FOXP2: variants seen among roughly 807,000 people sequenced by gnomAD.
FOXP2 encodes the protein forkhead box protein P2.
FOXP2 carries 12 observed loss-of-function variants against 115.8 expected under a neutral mutation model. The observed-to-expected ratio is 0.10, with a 90% CI of 0.07 to 0.17. The LOEUF is 0.17. FOXP2 is among the 10% of genes least tolerant of loss of function. The pLI is 1.00. For synonymous variants in FOXP2, 328 were observed against 297.7 expected (o/e 1.10, Z -1.05); for missense variants, 629 against 843.5 (o/e 0.75, Z 3.15).
At chr7:114,572,030 A>G (rs1245216631) in intron 3 of FOXP2, among the ~76,000 whole-genome samples, 1 of 151,862 alleles carries the variant, frequency 6.6e-6, no homozygotes, top group Non-Finnish European at 1.5e-5. Context: ...ATTAATACTC[A>G]TATACAATCA....
intron 2 of FOXP2, among the ~76,000 whole-genome samples, chr7:114,332,978 C>T (rs1334522048): frequency 2.0e-5 from 3 of 151,876 alleles, no homozygotes; most frequent in Non-Finnish European, 2.9e-5. Flanking sequence ...AACTGAAGAA[C>T]GTATGGAAGA....
intron 1 of FOXP2, among the ~76,000 whole-genome samples, chr7:114,228,191 T>C (rs1280086103): frequency 6.6e-6 from 1 of 152,036 alleles, no homozygotes; most frequent in Non-Finnish European, 1.5e-5. Flanking sequence ...GTGCGTACTT[T>C]CCAAAATGGA....
chr7:114,192,315 A>T (rs961907260), intron 1 of FOXP2, among the ~76,000 whole-genome samples: 22 of 151,988 alleles, frequency 1.4e-4, no homozygotes, highest in African/African-American at 5.3e-4. Flanking sequence ...TTGATAGATC[A>T]CTTCTTTTTA....
chr7:114,427,323 C>T (rs1333872340), intron 2 of FOXP2, among the ~76,000 whole-genome samples: 1 of 150,606 alleles, frequency 6.6e-6, no homozygotes, highest in East Asian at 1.9e-4. Flanking sequence ...GAAATGTTAA[C>T]AACTACAAAA....
intron 3 of FOXP2, chr7:114,538,466 A>C: frequency 1.3e-6 from 1 of 757,046 alleles, no homozygotes; most frequent in Non-Finnish European, 1.9e-6. Context: ...TTAATATATA[A>C]TATAAAGTTC....
intron 3 of FOXP2, among the ~76,000 whole-genome samples, chr7:114,548,207 C>T (rs887660122): frequency 6.6e-6 from 1 of 152,222 alleles, no homozygotes; most frequent in East Asian, 1.9e-4. Context: ...AAAATAGGTG[C>T]AGACCAGCTG....
intron 1 of FOXP2, among the ~76,000 whole-genome samples, chr7:114,140,245 C>G: frequency 6.6e-6 from 1 of 152,198 alleles, no homozygotes; most frequent in Non-Finnish European, 1.5e-5. Flanking sequence ...CAGAGCCCAA[C>G]TGACAATGAG....
At chr7:114,181,988 T>C (rs1793467794) in intron 1 of FOXP2, among the ~76,000 whole-genome samples, 1 of 152,084 alleles carries the variant, frequency 6.6e-6, no homozygotes, top group Non-Finnish European at 1.5e-5. Flanking sequence ...AAATTTCTTT[T>C]AATTAAAAAG....
At chr7:114,635,649 G>A (rs970645717) in intron 6 of FOXP2, among the ~76,000 whole-genome samples, 59 of 152,072 alleles carry the variant, frequency 3.9e-4, no homozygotes, top group African/African-American at 1.4e-3. Flanking sequence ...AGATTAAACT[G>A]TATCATAACT....
intron 1 of FOXP2, among the ~76,000 whole-genome samples, chr7:114,264,410 ATTG>A (rs1795843977): frequency 6.6e-6 from 1 of 152,164 alleles, no homozygotes; most frequent in Non-Finnish European, 1.5e-5. Flanking sequence ...TTACTATGCC[ATTG>A]TTGTTTTTAC....
At chr7:114,682,846 TA>T (rs1276706862) in intron 16 of FOXP2, among the ~76,000 whole-genome samples, 1 of 152,132 alleles carries the variant, frequency 6.6e-6, no homozygotes, top group Non-Finnish European at 1.5e-5. Flanking sequence ...GAGATAATTA[TA>T]ATAGAAATTT....
At chr7:114,240,549 A>G (rs1295676260) in intron 1 of FOXP2, among the ~76,000 whole-genome samples, 6 of 151,704 alleles carry the variant, frequency 4.0e-5, no homozygotes, top group Non-Finnish European at 7.4e-5. Flanking sequence ...TTATTTCATG[A>G]GTATTGTGTG....
chr7:114,393,543 A>AG (rs1792661368), intron 2 of FOXP2, among the ~76,000 whole-genome samples: 1 of 152,086 alleles, frequency 6.6e-6, no homozygotes, highest in African/African-American at 2.4e-5. Context: ...AGTAGGCTGA[A>AG]GGGGGCGTCC....
intron 3 of FOXP2, among the ~76,000 whole-genome samples, chr7:114,556,332 C>T (rs535277129): frequency 6.6e-6 from 1 of 152,156 alleles, no homozygotes; most frequent in African/African-American, 2.4e-5. Flanking sequence ...AGAAAAGGAG[C>T]TGCCACTGAG....
intron 1 of FOXP2, among the ~76,000 whole-genome samples, chr7:114,286,193 A>G (rs1379740660): frequency 6.6e-6 from 1 of 151,896 alleles, no homozygotes; most frequent in East Asian, 1.9e-4. Context: ...TATTATATAT[A>G]ACACTCTCAT....
At chr7:114,334,574 TA>T (rs1797794568) in intron 2 of FOXP2, among the ~76,000 whole-genome samples, 1 of 151,370 alleles carries the variant, frequency 6.6e-6, no homozygotes, top group African/African-American at 2.4e-5. Flanking sequence ...TAGTTTGTGG[TA>T]CATAGTTCTC....
rs547697263 is a variant in FOXP2, at chr7:114,348,069, G to C, written c.-11+59960G>C. Among the ~76,000 whole-genome samples, 102 of 152,006 alleles carry C rather than the reference G, an allele frequency of 6.7e-4. 1 individual carries two copies. Among genetic ancestry groups the C allele is most frequent in the African/African-American group, 2.3e-3 (96 of 41,508 alleles). On this transcript the variant is annotated intron_variant, in intron 2 of 17. Transcript: ENST00000634411. ...TTAATCTTATTTGTTTGATAATACA[G>C]ACAAGATTCTTAATATCATTCTATT...
intron 16 of FOXP2, among the ~76,000 whole-genome samples, chr7:114,674,877 A>G (rs1807676878): frequency 1.3e-5 from 2 of 152,172 alleles, no homozygotes; most frequent in South Asian, 2.1e-4. Context: ...TTATGACTGT[A>G]TAATTAACTT....
chr7:114,421,060 A>T (rs1793597239), intron 1 of FOXP2, among the ~76,000 whole-genome samples: 1 of 151,668 alleles, frequency 6.6e-6, no homozygotes, highest in Admixed American at 6.6e-5. Context: ...TTTCAATTAT[A>T]CTTCTGAAGG....
Sources: allele counts gnomAD v4.1 joint callset (sites outside exome capture counted in the v4.1 genomes callset), GRCh38; gene constraint gnomAD v4.1.1; transcripts MANE v1.5; gene names NCBI Gene and HGNC (gene_info 2026-07-23, HGNC 2026-07-21).